RBFOX1: variants seen among roughly 807,000 people sequenced by gnomAD.
RBFOX1 encodes the protein RNA binding protein fox-1 homolog 1.
In RBFOX1, 8 loss-of-function variants were observed where a neutral mutation model predicts 57.7. That is an observed-to-expected ratio of 0.14 (90% CI 0.08 to 0.25). RBFOX1 has a LOEUF of 0.25. RBFOX1 is among the 10% of genes least tolerant of loss of function. The pLI, the probability that RBFOX1 is intolerant of heterozygous loss-of-function variation, is 1.00. For missense variants in RBFOX1, 611 were observed against 548.5 expected (o/e 1.11, Z -1.14); for synonymous variants, 326 against 222.4 (o/e 1.47, Z -4.15).
chr16:6,477,388 A>G (rs540075708), intron 2 of RBFOX1, among the ~76,000 whole-genome samples: 1 of 152,238 alleles, frequency 6.6e-6, no homozygotes, highest in African/African-American at 2.4e-5. Flanking sequence ...TTGCATTAAC[A>G]GGCACGAACA....
At chr16:7,421,924 C>T (rs756357590) in intron 4 of RBFOX1, among the ~76,000 whole-genome samples, 5 of 152,166 alleles carry the variant, frequency 3.3e-5, no homozygotes, top group Admixed American at 2.6e-4. Context: ...GAAGTGTACA[C>T]ACATTATTTT....
At chr16:7,498,856 G>A (rs534529033) in intron 4 of RBFOX1, among the ~76,000 whole-genome samples, 3 of 152,180 alleles carry the variant, frequency 2.0e-5, no homozygotes, top group South Asian at 2.1e-4. Flanking sequence ...AAATGAGATC[G>A]CATGAAAATT....
At chr16:5,759,289 A>G (rs992065426) in intron 3 of RBFOX1, among the ~76,000 whole-genome samples, 1 of 152,224 alleles carries the variant, frequency 6.6e-6, no homozygotes, top group Non-Finnish European at 1.5e-5. Flanking sequence ...CTCTGGGTAC[A>G]CATGCTGTTT....
chr16:6,001,438 C>T (rs78641779), intron 4 of RBFOX1, among the ~76,000 whole-genome samples: 1 of 152,154 alleles, frequency 6.6e-6, no homozygotes, highest in South Asian at 2.1e-4. Context: ...GCCACACATA[C>T]TGTGAAGGAC....
At chr16:5,527,442 C>A (rs776540674) in intron 2 of RBFOX1, among the ~76,000 whole-genome samples, 3 of 152,152 alleles carry the variant, frequency 2.0e-5, no homozygotes, top group African/African-American at 7.2e-5. Flanking sequence ...TTGAGGATGG[C>A]ATTGGAAAGT....
chr16:7,105,101 A>G (rs1412050093), intron 4 of RBFOX1, among the ~76,000 whole-genome samples: 1 of 152,120 alleles, frequency 6.6e-6, no homozygotes, highest in African/African-American at 2.4e-5. Flanking sequence ...CACCTCTGCC[A>G]CTAAAGCTTG....
At chr16:6,548,983 G>GA (rs1459216191) in intron 2 of RBFOX1, among the ~76,000 whole-genome samples, 1 of 150,652 alleles carries the variant, frequency 6.6e-6, no homozygotes, top group East Asian at 2.0e-4. Context: ...GCTGAGGCAG[G>GA]AGATTCACTT....
At chr16:5,555,803 C>A (rs959649261) in intron 2 of RBFOX1, among the ~76,000 whole-genome samples, 3 of 151,826 alleles carry the variant, frequency 2.0e-5, no homozygotes, top group African/African-American at 7.2e-5. Flanking sequence ...GGGCGGATCA[C>A]CTGAGGTCGG....
intron 2 of RBFOX1, among the ~76,000 whole-genome samples, chr16:6,607,494 C>A (rs976368887): frequency 6.8e-6 from 1 of 148,112 alleles, no homozygotes; most frequent in African/African-American, 2.5e-5. Flanking sequence ...CTCTTTCTTC[C>A]TCTCTCTCCC....
At chr16:6,867,932 G>T (rs2060220852) in intron 3 of RBFOX1, among the ~76,000 whole-genome samples, 1 of 152,100 alleles carries the variant, frequency 6.6e-6, no homozygotes, top group Non-Finnish European at 1.5e-5. Context: ...TAGAAGCCAA[G>T]CGTCCAGAAC....
intron 3 of RBFOX1, among the ~76,000 whole-genome samples, chr16:6,906,724 AT>A (rs200335697): frequency 0.08 from 11,368 of 141,790 alleles, 488 homozygotes; most frequent in South Asian, 0.12. Context: ...TTGCAGAACT[AT>A]TTTTTTTTTT....
intron 2 of RBFOX1, among the ~76,000 whole-genome samples, chr16:6,627,555 A>T (rs999000134): frequency 6.6e-6 from 1 of 152,162 alleles, no homozygotes. Context: ...TCAAAGGAGG[A>T]AGCAGGAAGG....
intron 3 of RBFOX1, among the ~76,000 whole-genome samples, chr16:6,882,103 G>C (rs905429515): frequency 6.6e-6 from 1 of 152,184 alleles, no homozygotes; most frequent in African/African-American, 2.4e-5. Flanking sequence ...TGCAGGTTAA[G>C]ATGTAAATTA....
intron 4 of RBFOX1, among the ~76,000 whole-genome samples, chr16:5,938,208 T>C (rs2059205838): frequency 6.6e-6 from 1 of 152,172 alleles, no homozygotes; most frequent in South Asian, 2.1e-4. Flanking sequence ...TCTTGGTGTC[T>C]TCCTGGGAAG....
At chr16:5,608,019 G>A (rs1042277617) in intron 3 of RBFOX1, among the ~76,000 whole-genome samples, 12 of 152,166 alleles carry the variant, frequency 7.9e-5, no homozygotes, top group Admixed American at 7.2e-4. Flanking sequence ...TTTATCTGGG[G>A]AATATACCTA....
intron 11 of RBFOX1, among the ~76,000 whole-genome samples, chr16:7,644,105 C>T (rs553704927): frequency 5.9e-5 from 9 of 152,212 alleles, no homozygotes; most frequent in East Asian, 1.9e-4. Context: ...AAGCTTTTCC[C>T]GGAGCCTGAC....
At chr16:7,441,966 T>G (rs755890489) in intron 4 of RBFOX1, among the ~76,000 whole-genome samples, 1 of 152,248 alleles carries the variant, frequency 6.6e-6, no homozygotes, top group African/African-American at 2.4e-5. Flanking sequence ...GCCCGTTCTT[T>G]GCTGCCATGC....
intron 2 of RBFOX1, among the ~76,000 whole-genome samples, chr16:6,554,199 A>G (rs1271603573): frequency 2.0e-5 from 3 of 152,188 alleles, no homozygotes; most frequent in African/African-American, 4.8e-5. Context: ...TTAAGAAATA[A>G]CATCCCTTTA....
At chr16:7,114,189 C>G (rs1419512306) in intron 4 of RBFOX1, among the ~76,000 whole-genome samples, 1 of 152,220 alleles carries the variant, frequency 6.6e-6, no homozygotes, top group East Asian at 1.9e-4. Flanking sequence ...GCAGATCAGT[C>G]TTTACGTGGA....
Sources: allele counts gnomAD v4.1 joint callset (sites outside exome capture counted in the v4.1 genomes callset), GRCh38; gene constraint gnomAD v4.1.1; transcripts MANE v1.5; gene names NCBI Gene and HGNC (gene_info 2026-07-23, HGNC 2026-07-21).